The following NCOR2 variants were observed in gnomAD, a reference collection of about 807,000 sequenced individuals.
The protein encoded by NCOR2 is nuclear receptor corepressor 2.
Under a neutral mutation model 262.9 loss-of-function variants are expected in NCOR2, and 81 were observed. The observed-to-expected ratio is 0.31, with a 90% CI of 0.26 to 0.37. The LOEUF is 0.37. NCOR2 is among the 10% of genes least tolerant of loss of function. The probability of loss-of-function intolerance (pLI) is 1.00; values close to 1 mark genes in which losing one functional copy is unlikely to be tolerated. For synonymous variants in NCOR2, 1,659 were observed against 1,559.3 expected (o/e 1.06, Z -1.51); for missense variants, 3,385 against 3,621.4 (o/e 0.93, Z 1.68).
intron 44 of NCOR2, 55 bp from the exon 47 acceptor site, chr12:124,327,688 C>A: frequency 7.5e-7 from 1 of 1,336,230 alleles, no homozygotes; most frequent in Non-Finnish European, 1.0e-6. Flanking sequence ...GGAGGGGGAG[C>A]CAGAGGGGCG....
intron 27 of NCOR2, among the ~76,000 whole-genome samples, chr12:124,351,520 C>G (rs1269482): frequency 6.6e-6 from 1 of 152,090 alleles, no homozygotes; most frequent in Non-Finnish European, 1.5e-5. Context: ...GTTGGAGGCA[C>G]AATTTCCCCC....
At chr12:124,430,692 C>A in exon 9 of NCOR2, 5 of 1,614,210 alleles carry the variant, frequency 3.1e-6, no homozygotes, top group Non-Finnish European at 4.2e-6. Context: ...GCACCTTGCT[C>A]TCCTTGGCCC....
At chr12:124,387,161 T>C (rs993004749) in intron 16 of NCOR2, among the ~76,000 whole-genome samples, 16 of 152,228 alleles carry the variant, frequency 1.1e-4, no homozygotes, top group Non-Finnish European at 2.2e-4. Context: ...TGTTCAGAGG[T>C]TGGGGAGCTG....
In NCOR2 at chr12:124,325,426, G is replaced by T; in HGVS notation, c.7521C>A (p.Tyr2507Ter). 1 of 1,288,330 alleles carries T rather than the reference G, an allele frequency of 7.8e-7. No homozygotes were observed. The highest frequency in any genetic ancestry group is 2.1e-5 in the South Asian group (1 of 48,204). 79.8% of individuals were successfully genotyped at this position (1,288,330 alleles called of 1,614,324 possible). The change falls in exon 47 of 47, where the codon TAC becomes TAA. Residue 2507 changes from tyrosine (Y) to a stop codon, truncating the protein, a stop_gained. Coordinates refer to ENST00000405201, the Ensembl canonical transcript of NCOR2. LOFTEE classifies it high-confidence loss of function. ...GTCACTCGCTGTCGGAGAGTGTCTC[G>T]TACTGCGAGCAGAGCAGTGGCTTGG...
At chr12:124,425,903 A>G (rs1032684227) in intron 11 of NCOR2, among the ~76,000 whole-genome samples, 15 of 152,242 alleles carry the variant, frequency 9.9e-5, no homozygotes, top group South Asian at 8.3e-4. Flanking sequence ...AGCTGTCATA[A>G]GGGACAGGAG....
rs1391471421 is a variant in NCOR2 at position 124,445,265 on chromosome 12, T to C, written c.815+4550A>G. Among the ~76,000 whole-genome samples, 4 of 152,306 alleles carry C rather than the reference T, an allele frequency of 2.6e-5. No individual in the cohort carries two copies. The East Asian group carries it at 7.7e-4, about 29-fold the overall frequency. ...GGCTCCATAGACTCCCGGGAATTCC[T>C]GGAGCATCCTGCCCAGGGTGGGGCC... On this transcript the variant is annotated intron_variant, in intron 7 of 46. Transcript: ENST00000405201.
intron 41 of NCOR2, among the ~76,000 whole-genome samples, chr12:124,333,738 A>G (rs1477800146): frequency 6.6e-6 from 1 of 151,818 alleles, no homozygotes; most frequent in Non-Finnish European, 1.5e-5. Flanking sequence ...TGACCCCCAG[A>G]GGCCCCACGG....
intron 43 of NCOR2, 63 bp downstream of exon 45, chr12:124,332,256 C>T: frequency 1.9e-6 from 3 of 1,597,428 alleles, no homozygotes; most frequent in Non-Finnish European, 2.6e-6. Flanking sequence ...GCTCCAGCTG[C>T]CCAGGCAGGC....
At position 124,355,068 on chromosome 12, in the gene NCOR2, C is replaced by T. The variant is rs115287636; in HGVS notation, c.3382-129G>A. On this transcript the variant is annotated intron_variant, in intron 24 of 46. Coordinates refer to ENST00000405201, the Ensembl canonical transcript of NCOR2. ...CTGGGGCTGCTGTCCAGCTGTGTGA[C>T]GGCAGACAAGTCACTGCTACTCCCA... 4,173 of 772,106 alleles carry T rather than the reference C, an allele frequency of 5.4e-3. 120 individuals carry two copies. In the African/African-American group the frequency reaches 0.065, roughly 12 times the overall value. The allele number at this position is 772,106 out of a possible 1,614,324, so 47.8% of individuals were successfully genotyped here. A position where few individuals can be genotyped will look rare whatever the true frequency, so the allele number is the denominator to read the frequency against.
intron 3 of NCOR2, among the ~76,000 whole-genome samples, chr12:124,479,527 GCA>G (rs1243122787): frequency 4.0e-5 from 6 of 150,548 alleles, no homozygotes; most frequent in Non-Finnish European, 7.4e-5. Flanking sequence ...GCGCGCACAC[GCA>G]CACACACACC....
chr12:124,396,989 C>T (rs747318566), intron 16 of NCOR2, among the ~76,000 whole-genome samples: 14 of 152,222 alleles, frequency 9.2e-5, no homozygotes, highest in Admixed American at 2.6e-4. Context: ...GGACCAAGCA[C>T]GGGACAGGGA....
intron 18 of NCOR2, among the ~76,000 whole-genome samples, chr12:124,376,050 G>C (rs1195812741): frequency 2.6e-5 from 4 of 152,186 alleles, no homozygotes; most frequent in African/African-American, 9.7e-5. Flanking sequence ...TACCGGCTAT[G>C]TGCTGGGACA....
rs568619546 is a variant in NCOR2, at chr12:124,443,376, C to T, written c.816-5380G>A. ...GCCACCCAGAGACATCCACGTACCACGCAAGAGGACACGTCAAGTCTGCAA... is the reference window on the plus strand; with the variant it reads ...GCCACCCAGAGACATCCACGTACCATGCAAGAGGACACGTCAAGTCTGCAA... On this transcript the variant is annotated intron_variant, in intron 7 of 46. Coordinates refer to ENST00000405201, the Ensembl canonical transcript of NCOR2. The surrounding 1 kb of genome is among the most constrained non-coding windows in gnomAD (Gnocchi z 4.4). Among the ~76,000 whole-genome samples, 3 of 152,338 alleles carry T rather than the reference C, an allele frequency of 2.0e-5. No individual in the cohort carries two copies. The highest frequency in any genetic ancestry group is 3.4e-3 in the Middle Eastern group (1 of 294).
At chr12:124,354,984 C>T (rs977872723) in intron 24 of NCOR2, 45 bp from the exon 27 acceptor site, 1 of 1,536,748 alleles carries the variant, frequency 6.5e-7, no homozygotes. Flanking sequence ...CCTGGTCCCT[C>T]CCCCACAGTC....
intron 20 of NCOR2, among the ~76,000 whole-genome samples, chr12:124,369,765 C>T (rs1448180210): frequency 1.3e-5 from 2 of 152,176 alleles, no homozygotes; most frequent in African/African-American, 4.8e-5. Context: ...GGGCTGTGTG[C>T]TGGACACTGG....
chr12:124,491,939 T>G (rs1480162388), intron 1 of NCOR2, among the ~76,000 whole-genome samples: 1 of 152,130 alleles, frequency 6.6e-6, no homozygotes, highest in Non-Finnish European at 1.5e-5. Flanking sequence ...GCAGGGATGA[T>G]GCATATAGAA....
intron 1 of NCOR2, among the ~76,000 whole-genome samples, chr12:124,492,901 T>C (rs1444113028): frequency 6.6e-6 from 1 of 152,110 alleles, no homozygotes; most frequent in Non-Finnish European, 1.5e-5. Flanking sequence ...ATTCTCTGGA[T>C]GGGCAGCCCT....
Position 124,503,613 on chromosome 12 carries a change from C to CGGATGGAT in NCOR2, c.-117-8253_-117-8246dup, listed in dbSNP as rs771565942. 0.046 allele frequency among the ~76,000 whole-genome samples: 6,418 copies of CGGATGGAT among 139,142 alleles called. 405 individuals are homozygous for CGGATGGAT. The highest frequency in any genetic ancestry group is 0.15 in the African/African-American group (5,297 of 36,178). 91.3% of individuals were successfully genotyped at this position (139,142 alleles called of 152,430 possible). On this transcript the variant is annotated intron_variant, in intron 1 of 46. Coordinates refer to the NCOR2 transcript ENST00000404621. This position sits in a 1 kb window ranked among gnomAD's most constrained non-coding sequence, Gnocchi z 4.3. Reference sequence around the variant, plus strand: ...ACGGATGGATGGATGGACGGACGGACGGATGGATGGATGGATGGATGGGCG... The same window carrying CGGATGGAT: ...ACGGATGGATGGATGGACGGACGGACGGATGGATGGATGGATGGATGGATGGATGGGCG...
rs186705410 is a variant in NCOR2 at position 124,371,915 on chromosome 12, C to T, written c.2807+107G>A. The T allele has an allele frequency of 1.2e-3, 1,461 of 1,171,390 alleles. 15 individuals carry two copies. In the African/African-American group the frequency reaches 0.021, roughly 17 times the overall value. 72.6% of individuals were successfully genotyped at this position (1,171,390 alleles called of 1,614,324 possible). On this transcript the variant is annotated intron_variant, in intron 20 of 46. Coordinates refer to ENST00000405201, the Ensembl canonical transcript of NCOR2. The stretch of plus-strand genomic sequence containing the variant: ...TGCCTCCCTAACCACACCTCGGGCT[C>T]CCCCAAAGCAGGCAGAGCCAGACTG...
Sources: gnomAD v4.1 joint callset for allele counts (sites outside exome capture counted in the v4.1 genomes callset) on GRCh38, gnomAD v4.1.1 for gene constraint, Gnocchi (gnomAD v3.1) non-coding constraint, MANE v1.5 for transcripts, NCBI Gene and HGNC (gene_info 2026-07-23, HGNC 2026-07-21) for gene names.